Variants in ATXN10 observed in about 807,000 individuals in gnomAD.
ATXN10 encodes the protein ataxin-10.
A neutral mutation model predicts 52.9 loss-of-function variants in ATXN10; 28 were observed. The ratio of observed to expected loss-of-function variants is 0.53; its 90% CI spans 0.39 to 0.73. The LOEUF is 0.73. ATXN10 is among the 30% of genes least tolerant of loss of function. The pLI, the probability that ATXN10 is intolerant of heterozygous loss-of-function variation, is 0.00. For synonymous variants in ATXN10, 226 were observed against 221.5 expected, an observed-to-expected ratio of 1.02 and a Z score of -0.18; for missense variants, 565 against 577.0, an observed-to-expected ratio of 0.98 and a Z score of 0.21.
chr22:45,810,196 C>T (rs1217637100), intron 10 of ATXN10, among the ~76,000 whole-genome samples: 1 of 152,150 alleles, frequency 6.6e-6, no homozygotes, highest in African/African-American at 2.4e-5. Context: ...CACTGTAGCG[C>T]CACCTTTATC....
chr22:45,798,951 A>G (rs530442734), intron 9 of ATXN10, among the ~76,000 whole-genome samples: 2 of 152,366 alleles, frequency 1.3e-5, no homozygotes, highest in South Asian at 4.1e-4. Flanking sequence ...TCTGAAAACC[A>G]TAAAACATTG....
Position 45,784,359 on chromosome 22 carries a change from A to G in ATXN10, c.1174-22600A>G, listed in dbSNP as rs1055949434. Among the ~76,000 whole-genome samples, 2 of 152,164 alleles carry G rather than the reference A, an allele frequency of 1.3e-5. No individual in the cohort carries two copies. Among genetic ancestry groups the G allele is most frequent in the South Asian group, 2.1e-4 (1 of 4,830 alleles). ...AAATATTTGCATGGAAGAGATTTGT[A>G]ATATAGTAGGATACTTGGCACGTTT... On this transcript the variant is annotated intron_variant, in intron 9 of 11. Coordinates refer to ENST00000252934, the MANE Select transcript of ATXN10 (RefSeq NM_013236.4). This position sits in a 1 kb window ranked among gnomAD's most constrained non-coding sequence, Gnocchi z 4.2.
Position 45,718,512 on chromosome 22 carries a change from TGGTCTGGA to T in ATXN10, c.728+21_728+28del, listed in dbSNP as rs1924533977. On this transcript the variant is annotated intron_variant, in intron 6 of 11. Transcript: ENST00000252934. This position sits in a 1 kb window ranked among gnomAD's most constrained non-coding sequence, Gnocchi z 4.4. ...AAGAAAGGTAACCCCCCAACCAGCGTGGTCTGGAGTATTTAGCATTCCATATAGGGTAT... is the reference window on the plus strand; with the variant it reads ...AAGAAAGGTAACCCCCCAACCAGCGTGTATTTAGCATTCCATATAGGGTAT... 10 of 1,603,570 alleles carry T rather than the reference TGGTCTGGA, an allele frequency of 6.2e-6. No homozygotes were observed. The highest frequency in any genetic ancestry group is 8.5e-6 in the Non-Finnish European group (10 of 1,170,566).
rs960730500 is a variant in ATXN10, at chr22:45,684,282, G to A, written c.117-5430G>A. Among the ~76,000 whole-genome samples, 2 of 152,058 alleles carry A rather than the reference G, an allele frequency of 1.3e-5. No individual in the cohort carries two copies. The highest frequency in any genetic ancestry group is 2.4e-5 in the African/African-American group (1 of 41,400). ...TAGTTCCTTTCATTTAGCACAGTGC[G>A]TTTGTTCTGATGAAAGATGAATTTT... On this transcript the variant is annotated intron_variant, in intron 1 of 11. Coordinates refer to ENST00000252934, the MANE Select transcript of ATXN10 (RefSeq NM_013236.4). This position sits in a 1 kb window ranked among gnomAD's most constrained non-coding sequence, Gnocchi z 4.1.
intron 10 of ATXN10, chr22:45,811,904 G>A (rs1928294232): frequency 7.2e-6 from 3 of 417,594 alleles, no homozygotes; most frequent in Non-Finnish European, 1.5e-5. Flanking sequence ...GCATGCCCCT[G>A]TTCACAGAGC....
intron 9 of ATXN10, among the ~76,000 whole-genome samples, chr22:45,761,743 C>T (rs1926398697): frequency 6.6e-6 from 1 of 152,104 alleles, no homozygotes; most frequent in Non-Finnish European, 1.5e-5. Flanking sequence ...TTAAGTTCCA[C>T]CTCAGGGAAT....
At chr22:45,704,994 A>T (rs1026333882) in intron 5 of ATXN10, among the ~76,000 whole-genome samples, 1 of 152,194 alleles carries the variant, frequency 6.6e-6, no homozygotes, top group Admixed American at 6.5e-5. Flanking sequence ...AGTCTATTTT[A>T]TCAAATATAT....
rs1227521558 is a variant in ATXN10 at position 45,780,853 on chromosome 22, A to G, written c.1174-26106A>G. On this transcript the variant is annotated intron_variant, in intron 9 of 11. Coordinates refer to ENST00000252934, the MANE Select transcript of ATXN10 (RefSeq NM_013236.4). The surrounding 1 kb of genome is among the most constrained non-coding windows in gnomAD (Gnocchi z 4.0). ...ATCTCTCCAGCTAAATACATCCAGA[A>G]CCCTGTCATCATATATGAAACAATC... 6.6e-6 allele frequency among the ~76,000 whole-genome samples: 1 copy of G among 152,120 alleles called. No homozygotes were observed. Among genetic ancestry groups the G allele is most frequent in the East Asian group, 1.9e-4 (1 of 5,182 alleles).
chr22:45,834,834 A>G lies in ATXN10; in HGVS notation c.1238-8157A>G, dbSNP rs139634081. On this transcript the variant is annotated intron_variant, in intron 10 of 11. Transcript: ENST00000252934. ...GGGTGTGCCAGGCACTCTGCTAACC[A>G]TGCTGCATACAGTGGCTCCTTCCGA... Among the ~76,000 whole-genome samples the G allele has an allele frequency of 3.9e-3, 599 of 152,278 alleles. 3 individuals carry two copies. Among genetic ancestry groups the G allele is most frequent in the African/African-American group, 0.014 (581 of 41,556 alleles).
rs1463267566 is a variant in ATXN10, at chr22:45,838,499, GCT to G, written c.1238-4487_1238-4486del. ...TGTAGTAGCTATGGAAACGTTAGAA[GCT>G]CTCTTTCTAAAGCTAAGCATACAAT... On this transcript the variant is annotated intron_variant, in intron 10 of 11. Coordinates refer to ENST00000252934, the MANE Select transcript of ATXN10 (RefSeq NM_013236.4). Among the ~76,000 whole-genome samples, 4 of 152,336 alleles carry G rather than the reference GCT, an allele frequency of 2.6e-5. No homozygotes were observed. The East Asian group carries it at 7.7e-4, about 29-fold the overall frequency.
intron 9 of ATXN10, among the ~76,000 whole-genome samples, chr22:45,753,217 T>G (rs186433419): frequency 7.9e-6 from 1 of 127,006 alleles, no homozygotes; most frequent in East Asian, 2.1e-4. Context: ...CTTTTCCCAG[T>G]GATTTTTTTT....
rs993115940 is a variant in ATXN10 at position 45,733,437 on chromosome 22, A to G, written c.894+3847A>G. On this transcript the variant is annotated intron_variant, in intron 7 of 11. Coordinates refer to ENST00000252934, the MANE Select transcript of ATXN10 (RefSeq NM_013236.4). This position sits in a 1 kb window ranked among gnomAD's most constrained non-coding sequence, Gnocchi z 4.4. ...ATTTAAGCTGAAGTCAGTGAAACAT[A>G]AAGTTACAAAGTTTCAGCCAGGCGT... Among the ~76,000 whole-genome samples the G allele has an allele frequency of 1.3e-5, 2 of 152,158 alleles. No homozygotes were observed. The highest frequency in any genetic ancestry group is 1.3e-4 in the Admixed American group (2 of 15,270).
At position 45,678,983 on chromosome 22, in the gene ATXN10, A is replaced by G. The variant is rs1293734064; in HGVS notation, c.116+6804A>G. On this transcript the variant is annotated intron_variant, in intron 1 of 11. Transcript: ENST00000252934. This position sits in a 1 kb window ranked among gnomAD's most constrained non-coding sequence, Gnocchi z 4.1. ...ATAAATTTGTAAATTTGTAAATATA[A>G]ATGTCTTAAGCCTTCATTCCTTTGC... The G allele has an allele frequency of 6.6e-6, 1 of 152,222 alleles. No individual in the cohort carries two copies. Among genetic ancestry groups the G allele is most frequent in the African/African-American group, 2.4e-5 (1 of 41,460 alleles). The allele number at this position is 152,222 out of a possible 1,614,324, so 9.4% of individuals were successfully genotyped here.
At position 45,698,767 on chromosome 22, in the gene ATXN10, C is replaced by T. The variant is rs565238914; in HGVS notation, c.392-1515C>T. 1.8e-4 allele frequency among the ~76,000 whole-genome samples: 27 copies of T among 152,166 alleles called. No individual in the cohort carries two copies. The South Asian group carries it at 2.5e-3, about 14-fold the overall frequency. On this transcript the variant is annotated intron_variant, in intron 3 of 11. Coordinates refer to ENST00000252934, the MANE Select transcript of ATXN10 (RefSeq NM_013236.4). Reference sequence around the variant, plus strand: ...TGAAAACGGCAGCTAGTGAAATGACCGAATTTTAGTTGGAATTCAGCAATG... The same window carrying T: ...TGAAAACGGCAGCTAGTGAAATGACTGAATTTTAGTTGGAATTCAGCAATG...
intron 9 of ATXN10, among the ~76,000 whole-genome samples, chr22:45,743,342 A>G (rs1925609062): frequency 6.6e-6 from 1 of 152,190 alleles, no homozygotes. Context: ...CAACGCCGAA[A>G]TCTTGTTCTG....
At position 45,816,528 on chromosome 22, in the gene ATXN10, A is replaced by G. The variant is rs1473430780; in HGVS notation, c.1237+9506A>G. 3.3e-5 allele frequency among the ~76,000 whole-genome samples: 5 copies of G among 152,196 alleles called. No individual in the cohort carries two copies. Among genetic ancestry groups the G allele is most frequent in the African/African-American group, 1.2e-4 (5 of 41,454 alleles). Reference sequence around the variant, plus strand: ...ACATGACACACCAGAATACCCAGATATGTAACCTTTCCCCCAAGGAAAGTT... The same window carrying G: ...ACATGACACACCAGAATACCCAGATGTGTAACCTTTCCCCCAAGGAAAGTT... On this transcript the variant is annotated intron_variant, in intron 10 of 11. Coordinates refer to ENST00000252934, the MANE Select transcript of ATXN10 (RefSeq NM_013236.4). The surrounding 1 kb of genome is among the most constrained non-coding windows in gnomAD (Gnocchi z 5.8).
intron 5 of ATXN10, among the ~76,000 whole-genome samples, chr22:45,704,268 T>G (rs1923952264): frequency 6.6e-6 from 1 of 151,926 alleles, no homozygotes. Context: ...CCTGGGTCCC[T>G]TCTGTTTCCA....
chr22:45,729,381 TTTAAGTA>T (rs1924997455), intron 6 of ATXN10, 37 bp from the exon 7 acceptor site: 1 of 1,596,878 alleles, frequency 6.3e-7, no homozygotes, highest in African/African-American at 1.3e-5. Flanking sequence ...CATTGTATAA[TTTAAGTA>T]TTATAGATTC....
At chr22:45,725,458 C>T (rs1158589493) in intron 6 of ATXN10, among the ~76,000 whole-genome samples, 3 of 109,066 alleles carry the variant, frequency 2.8e-5, no homozygotes, top group African/African-American at 1.0e-4. Flanking sequence ...TGATTTGTTT[C>T]TCAGCTTAGT....
Sources: gnomAD v4.1 joint callset for allele counts (sites outside exome capture counted in the v4.1 genomes callset) on GRCh38, gnomAD v4.1.1 for gene constraint, Gnocchi (gnomAD v3.1) non-coding constraint, MANE v1.5 for transcripts, NCBI Gene and HGNC (gene_info 2026-07-23, HGNC 2026-07-21) for gene names.